Variants in PLGRKT observed in about 807,000 individuals in gnomAD.
PLGRKT encodes plasminogen receptor with a C-terminal lysine.
Under a neutral mutation model 18.5 loss-of-function variants are expected in PLGRKT, and 22 were observed. The observed-to-expected ratio is 1.19, with a 90% CI of 0.85 to 1.70. The LOEUF is 1.70. PLGRKT is among the 40% of genes most tolerant of loss of function. The probability of loss-of-function intolerance (pLI) is 0.00; values close to 1 mark genes in which losing one functional copy is unlikely to be tolerated. For synonymous variants in PLGRKT, 72 were observed against 52.8 expected (o/e 1.36, Z -1.58); for missense variants, 235 against 174.4 (o/e 1.35, Z -1.96).
chr9:5,375,950 A>C (rs990916437), intron 3 of PLGRKT, among the ~76,000 whole-genome samples: 1 of 152,244 alleles, frequency 6.6e-6, no homozygotes, highest in Non-Finnish European at 1.5e-5. Flanking sequence ...GAAGCAACCC[A>C]AGTGCATATC....
At chr9:5,378,490 A>G (rs997379690) in intron 3 of PLGRKT, among the ~76,000 whole-genome samples, 1 of 152,254 alleles carries the variant, frequency 6.6e-6, no homozygotes, top group Non-Finnish European at 1.5e-5. Context: ...AGGATAAACC[A>G]GAAGTAAAAA....
intron 3 of PLGRKT, among the ~76,000 whole-genome samples, chr9:5,387,844 A>T (rs1220101549): frequency 6.6e-6 from 1 of 151,840 alleles, no homozygotes; most frequent in African/African-American, 2.4e-5. Flanking sequence ...CAATAGGGAG[A>T]GCAGTTAGGA....
At chr9:5,432,076 TA>T (rs376405296) in intron 2 of PLGRKT, 93 bp from the exon 3 acceptor site, 28,916 of 455,970 alleles carry the variant, frequency 0.063, 3 homozygotes, top group South Asian at 0.081. Context: ...TATGACAAAG[TA>T]AAAAAAAAAA....
intron 3 of PLGRKT, among the ~76,000 whole-genome samples, chr9:5,425,166 C>A (rs1203883878): frequency 6.6e-6 from 1 of 152,172 alleles, no homozygotes; most frequent in African/African-American, 2.4e-5. Context: ...ATATGTTCTT[C>A]CCTCATTCTC....
chr9:5,419,198 C>A (rs901432288), intron 3 of PLGRKT, among the ~76,000 whole-genome samples: 4 of 152,176 alleles, frequency 2.6e-5, no homozygotes, highest in Non-Finnish European at 5.9e-5. Flanking sequence ...AATACAAGGC[C>A]AGCAGCAATG....
intron 3 of PLGRKT, among the ~76,000 whole-genome samples, chr9:5,380,606 T>C (rs907935387): frequency 6.6e-6 from 1 of 152,150 alleles, no homozygotes; most frequent in Non-Finnish European, 1.5e-5. Flanking sequence ...CCTTCCCTGT[T>C]TTACTGAACT....
intron 3 of PLGRKT, among the ~76,000 whole-genome samples, chr9:5,377,528 G>T (rs1054678163): frequency 2.0e-5 from 3 of 152,124 alleles, no homozygotes; most frequent in African/African-American, 7.2e-5. Flanking sequence ...CTCCATAATG[G>T]TGCTGGAAAG....
intron 3 of PLGRKT, among the ~76,000 whole-genome samples, chr9:5,428,025 G>A (rs367888839): frequency 2.6e-5 from 4 of 152,142 alleles, no homozygotes; most frequent in South Asian, 2.1e-4. Context: ...TGGGAGAAGG[G>A]AGGATGTTAT....
At chr9:5,415,508 A>G (rs1818443084) in intron 3 of PLGRKT, among the ~76,000 whole-genome samples, 1 of 152,178 alleles carries the variant, frequency 6.6e-6, no homozygotes, top group South Asian at 2.1e-4. Flanking sequence ...AATATTAACA[A>G]AGTCTCAAAG....
At chr9:5,404,598 T>C (rs1050829648) in intron 3 of PLGRKT, among the ~76,000 whole-genome samples, 4 of 152,130 alleles carry the variant, frequency 2.6e-5, no homozygotes, top group South Asian at 2.1e-4. Context: ...TAAAAACTCT[T>C]AATAAACTAA....
chr9:5,366,271 C>G (rs1048741530), intron 3 of PLGRKT, among the ~76,000 whole-genome samples: 3 of 152,118 alleles, frequency 2.0e-5, no homozygotes, highest in African/African-American at 7.2e-5. Context: ...TTCCCAATTA[C>G]TGACATTAAA....
chr9:5,362,699 C>A (rs911734), intron 3 of PLGRKT, among the ~76,000 whole-genome samples: 117,254 of 152,068 alleles, frequency 0.77, 46,068 homozygotes, highest in African/African-American at 0.93. Context: ...AGAGGAAGGA[C>A]TAATAATGTG....
At chr9:5,384,301 C>T (rs982486764) in intron 3 of PLGRKT, among the ~76,000 whole-genome samples, 1 of 152,122 alleles carries the variant, frequency 6.6e-6, no homozygotes, top group East Asian at 1.9e-4. Context: ...CAGAACAGAA[C>T]AAGACAGGGG....
intron 4 of PLGRKT, 62 bp from the exon 5 acceptor site, chr9:5,361,249 T>C (rs868236925): frequency 4.5e-6 from 4 of 891,164 alleles, no homozygotes; most frequent in Non-Finnish European, 7.2e-6. Flanking sequence ...CATATCTGTA[T>C]ACTTAAAGAA....
chr9:5,381,293 TCA>T (rs2131094513), intron 3 of PLGRKT, among the ~76,000 whole-genome samples: 1 of 152,334 alleles, frequency 6.6e-6, no homozygotes, highest in African/African-American at 2.4e-5. Flanking sequence ...AGAAATGGTT[TCA>T]CGGGCCAGGC....
chr9:5,378,602 G>A (rs766904645), intron 3 of PLGRKT, among the ~76,000 whole-genome samples: 3 of 152,184 alleles, frequency 2.0e-5, no homozygotes, highest in East Asian at 1.9e-4. Context: ...TGCAGCTTAA[G>A]GAATATGTTC....
At chr9:5,364,347 A>G (rs560285806) in intron 3 of PLGRKT, among the ~76,000 whole-genome samples, 119 of 152,262 alleles carry the variant, frequency 7.8e-4, no homozygotes, top group Non-Finnish European at 1.4e-3. Context: ...CCTGAAAGAG[A>G]TTACCTGGGA....
At chr9:5,395,658 G>A (rs546655019) in intron 3 of PLGRKT, among the ~76,000 whole-genome samples, 1 of 151,794 alleles carries the variant, frequency 6.6e-6, no homozygotes, top group South Asian at 2.1e-4. Flanking sequence ...TACTTGATCT[G>A]GCATTTTCTT....
intron 3 of PLGRKT, among the ~76,000 whole-genome samples, chr9:5,424,582 A>T (rs1033010787): frequency 7.6e-6 from 1 of 132,330 alleles, no homozygotes; most frequent in Non-Finnish European, 1.5e-5. Context: ...TATATTACTT[A>T]TTATATTATA....
Sources: allele counts gnomAD v4.1 joint callset (sites outside exome capture counted in the v4.1 genomes callset), GRCh38; gene constraint gnomAD v4.1.1; transcripts MANE v1.5; gene names NCBI Gene and HGNC (gene_info 2026-07-23, HGNC 2026-07-21).